Variants in ARHGAP24 observed in about 807,000 individuals in gnomAD.
ARHGAP24 encodes the protein rho GTPase-activating protein 24.
ARHGAP24 carries 50 observed loss-of-function variants against 76.4 expected under a neutral mutation model. The observed-to-expected ratio is 0.65, with a 90% CI of 0.52 to 0.83. ARHGAP24 has a LOEUF of 0.83. ARHGAP24 is among the 40% of genes least tolerant of loss of function. The pLI is 0.00. For missense variants in ARHGAP24, 930 were observed against 914.2 expected, an observed-to-expected ratio of 1.02 and a Z score of -0.22; for synonymous variants, 345 against 323.3, an observed-to-expected ratio of 1.07 and a Z score of -0.72.
At chr4:85,879,093 A>G (rs1317282927) in intron 3 of ARHGAP24, among the ~76,000 whole-genome samples, 3 of 152,240 alleles carry the variant, frequency 2.0e-5, no homozygotes, top group African/African-American at 7.2e-5. Flanking sequence ...CAAGAAATAG[A>G]AGACTTGTAT....
At chr4:85,719,598 G>T (rs944469861) in intron 2 of ARHGAP24, among the ~76,000 whole-genome samples, 2 of 152,174 alleles carry the variant, frequency 1.3e-5, no homozygotes, top group Non-Finnish European at 2.9e-5. Context: ...CAGGAGCATG[G>T]GCTTTTGAGT....
At chr4:85,632,109 C>G (rs1721176345) in intron 2 of ARHGAP24, among the ~76,000 whole-genome samples, 1 of 151,816 alleles carries the variant, frequency 6.6e-6, no homozygotes, top group Non-Finnish European at 1.5e-5. Flanking sequence ...TTAGCTCTTT[C>G]TAATTTGTCT....
intron 3 of ARHGAP24, among the ~76,000 whole-genome samples, chr4:85,754,423 T>C (rs1453306336): frequency 6.6e-6 from 1 of 152,174 alleles, no homozygotes; most frequent in Admixed American, 6.5e-5. Flanking sequence ...GTACTGAAAT[T>C]TCAATTAGTA....
chr4:85,792,056 A>G (rs537322798), intron 3 of ARHGAP24, among the ~76,000 whole-genome samples: 2 of 152,314 alleles, frequency 1.3e-5, no homozygotes, highest in East Asian at 1.9e-4. Context: ...GAGCAGAAAT[A>G]TACAACAAAA....
intron 2 of ARHGAP24, among the ~76,000 whole-genome samples, chr4:85,621,315 C>A (rs1720710891): frequency 6.6e-6 from 1 of 152,048 alleles, no homozygotes; most frequent in African/African-American, 2.4e-5. Flanking sequence ...AAGAGTATAT[C>A]TATTTTTAGT....
chr4:85,898,031 G>GTATATA (rs1431311898), intron 3 of ARHGAP24, among the ~76,000 whole-genome samples: 4 of 79,572 alleles, frequency 5.0e-5, no homozygotes, highest in African/African-American at 2.1e-4. Flanking sequence ...ACACATATAT[G>GTATATA]TGTATATATA....
chr4:85,948,023 A>G (rs1468772004), intron 5 of ARHGAP24, among the ~76,000 whole-genome samples: 1 of 152,188 alleles, frequency 6.6e-6, no homozygotes, highest in African/African-American at 2.4e-5. Flanking sequence ...TGAATTCAGA[A>G]CAAGGATCAG....
intron 3 of ARHGAP24, among the ~76,000 whole-genome samples, chr4:85,884,093 T>C (rs903546967): frequency 1.3e-5 from 2 of 152,216 alleles, no homozygotes; most frequent in Non-Finnish European, 2.9e-5. Flanking sequence ...AGTTAAATTG[T>C]AATTGATGAT....
intron 9 of ARHGAP24, 35 bp from the exon 10 acceptor site, chr4:86,000,444 T>TGGGGGGGGGGGG: frequency 1.6e-6 from 1 of 616,722 alleles, no homozygotes; most frequent in Non-Finnish European, 2.7e-6. Flanking sequence ...TACTCTTGCG[T>TGGGGGGGGGGGG]CCCCACCCCC....
intron 2 of ARHGAP24, among the ~76,000 whole-genome samples, chr4:85,692,859 G>T (rs748166455): frequency 6.6e-6 from 1 of 152,226 alleles, no homozygotes; most frequent in Non-Finnish European, 1.5e-5. Context: ...TCATTTGGAA[G>T]TGAGGGGACA....
intron 8 of ARHGAP24, among the ~76,000 whole-genome samples, chr4:85,984,790 A>AT (rs967611189): frequency 2.0e-5 from 3 of 152,026 alleles, no homozygotes; most frequent in Non-Finnish European, 2.9e-5. Flanking sequence ...TTGACATTGG[A>AT]TTTTTTTGTT....
chr4:85,751,187 G>C (rs1163680170), intron 3 of ARHGAP24, among the ~76,000 whole-genome samples: 1 of 152,012 alleles, frequency 6.6e-6, no homozygotes, highest in Non-Finnish European at 1.5e-5. Flanking sequence ...TATGTATCTT[G>C]TTTTTCATTT....
At chr4:85,732,047 T>C (rs1207889262) in intron 3 of ARHGAP24, among the ~76,000 whole-genome samples, 1 of 152,216 alleles carries the variant, frequency 6.6e-6, no homozygotes, top group African/African-American at 2.4e-5. Flanking sequence ...TGGTTTTAAT[T>C]ATGCATTCTC....
At chr4:85,741,000 A>G (rs343850) in intron 3 of ARHGAP24, among the ~76,000 whole-genome samples, 143,048 of 152,276 alleles carry the variant, frequency 0.94, 67,869 homozygotes, top group East Asian at 1. Flanking sequence ...ACAATGCTAT[A>G]ATTTAAGGAC....
chr4:85,545,021 A>T (rs1725863278), intron 1 of ARHGAP24, among the ~76,000 whole-genome samples: 2 of 152,058 alleles, frequency 1.3e-5, no homozygotes, highest in Admixed American at 1.3e-4. Flanking sequence ...CTCACTAGCC[A>T]TGCTATCATG....
At chr4:85,639,913 G>A (rs1310683683) in intron 2 of ARHGAP24, among the ~76,000 whole-genome samples, 5 of 152,200 alleles carry the variant, frequency 3.3e-5, no homozygotes, top group East Asian at 1.9e-4. Context: ...GCAAATTCCT[G>A]TGCGTTATAA....
intron 6 of ARHGAP24, among the ~76,000 whole-genome samples, chr4:85,974,646 TAAC>T (rs1739221233): frequency 6.6e-6 from 1 of 152,242 alleles, no homozygotes; most frequent in African/African-American, 2.4e-5. Context: ...TTAAAAATGA[TAAC>T]AGCTTCACTT....
chr4:85,693,038 C>T (rs1723727566), intron 2 of ARHGAP24, among the ~76,000 whole-genome samples: 1 of 152,188 alleles, frequency 6.6e-6, no homozygotes, highest in Non-Finnish European at 1.5e-5. Flanking sequence ...TGAACTCTTG[C>T]CCATTGTTTC....
intron 3 of ARHGAP24, among the ~76,000 whole-genome samples, chr4:85,815,306 T>C (rs1729190569): frequency 6.6e-6 from 1 of 152,198 alleles, no homozygotes; most frequent in East Asian, 1.9e-4. Flanking sequence ...CTCAGAAAAT[T>C]GGTTTTTCTT....
Sources: gnomAD v4.1 joint callset for allele counts (sites outside exome capture counted in the v4.1 genomes callset) on GRCh38, gnomAD v4.1.1 for gene constraint, MANE v1.5 for transcripts, NCBI Gene and HGNC (gene_info 2026-07-23, HGNC 2026-07-21) for gene names.